Variants in KDR observed in about 807,000 individuals in gnomAD.
KDR encodes vascular endothelial growth factor receptor 2.
KDR carries 43 observed loss-of-function variants against 160.9 expected under a neutral mutation model. That is an observed-to-expected ratio of 0.27 (90% CI 0.21 to 0.34). The LOEUF is 0.34. Among genes scored for constraint, KDR ranks in the 10% least tolerant of loss-of-function variants. KDR has a pLI of 1.00. For missense variants in KDR, 1,469 were observed against 1,666.4 expected (o/e 0.88, Z 2.06); for synonymous variants, 617 against 600.1 (o/e 1.03, Z -0.41).
intron 3 of KDR, among the ~76,000 whole-genome samples, chr4:55,118,226 G>T (rs1160858868): frequency 6.6e-6 from 1 of 152,200 alleles, no homozygotes; most frequent in Non-Finnish European, 1.5e-5. Flanking sequence ...CTACTCTGCT[G>T]TAGATAACTT....
chr4:55,106,253 C>G (rs538578348), intron 11 of KDR, among the ~76,000 whole-genome samples: 61 of 152,070 alleles, frequency 4.0e-4, no homozygotes, highest in African/African-American at 1.4e-3. Flanking sequence ...AGCACCATGT[C>G]GGCACTCAAA....
intron 26 of KDR, among the ~76,000 whole-genome samples, chr4:55,088,297 G>A (rs915012363): frequency 3.3e-5 from 5 of 152,186 alleles, no homozygotes; most frequent in Admixed American, 2.0e-4. Context: ...ATGTTTGGAA[G>A]GTTTATTGAT....
intron 14 of KDR, 130 bp downstream of exon 14, chr4:55,102,232 G>T: frequency 7.7e-7 from 1 of 1,304,988 alleles, no homozygotes; most frequent in Non-Finnish European, 1.1e-6. Flanking sequence ...TTCTAAGTCT[G>T]TGAAATGAGC....
intron 22 of KDR, among the ~76,000 whole-genome samples, chr4:55,091,439 C>G (rs1183496308): frequency 6.6e-6 from 1 of 152,220 alleles, no homozygotes; most frequent in Non-Finnish European, 1.5e-5. Context: ...TTTCCATTCT[C>G]TTCCTAGTCC....
At chr4:55,112,225 CT>C (rs1168062075) in intron 7 of KDR, among the ~76,000 whole-genome samples, 1 of 152,130 alleles carries the variant, frequency 6.6e-6, no homozygotes, top group Non-Finnish European at 1.5e-5. Context: ...TCTGCCACCC[CT>C]GAGACAGCAA....
chr4:55,124,240 C>G (rs1012502238), intron 1 of KDR, among the ~76,000 whole-genome samples: 2 of 151,812 alleles, frequency 1.3e-5, no homozygotes, highest in African/African-American at 4.8e-5. Flanking sequence ...CTTTCTCTGA[C>G]CCTTTCCCCT....
intron 7 of KDR, among the ~76,000 whole-genome samples, chr4:55,112,733 T>C (rs1280974382): frequency 2.0e-5 from 3 of 152,112 alleles, no homozygotes; most frequent in African/African-American, 7.2e-5. Flanking sequence ...TTCCACCATG[T>C]TGACCAGGCT....
rs1354736431 is a variant in KDR at position 55,125,506 on chromosome 4, C to T, written c.-213G>A. 4 of 615,598 alleles carry T rather than the reference C, an allele frequency of 6.5e-6. No homozygotes were observed. The East Asian group carries it at 8.2e-5, about 13-fold the overall frequency. The allele number at this position is 615,598 out of a possible 1,614,324, so 38.1% of individuals were successfully genotyped here. A position where few individuals can be genotyped will look rare whatever the true frequency, so the allele number is the denominator to read the frequency against. On this transcript the variant is annotated 5_prime_UTR_variant, in exon 1 of 30. Transcript: ENST00000263923. ...GAGGATATCCAGGCTGCCAGACGGA[C>T]TTTCTGCGGCGCGCAAGTGATGCCC...
Position 55,098,288 on chromosome 4 carries a change from C to A in KDR, c.2374-16G>T, listed in dbSNP as rs777182648. The A allele has an allele frequency of 1.1e-5, 18 of 1,613,576 alleles. No homozygotes were observed. In the South Asian group the frequency reaches 1.5e-4, roughly 14 times the overall value. On this transcript the variant is annotated splice_polypyrimidine_tract_variant and intron_variant, in intron 16 of 29. Transcript: ENST00000263923. ...CTCCATTGGCCTGGAAAGCATCAAT[C>A]CTTCCAGTCATAAACACACTGTTGT...
chr4:55,080,097 G>A lies in KDR; in HGVS notation c.3915C>T (p.Tyr1305=), dbSNP rs776589210. ...ASEGSNQTSG[Y]QSGYHSDDTD... is the part of the protein sequence containing the mutation. ...TGTCATCGGAGTGATATCCGGACTGGTAGCCGCTTGTCTGGTTTGAGCCTT... is the reference window on the plus strand; with the variant it reads ...TGTCATCGGAGTGATATCCGGACTGATAGCCGCTTGTCTGGTTTGAGCCTT... The change falls in exon 30 of 30, where the codon TAC becomes TAT. Residue 1305 remains tyrosine, a synonymous_variant. Coordinates refer to ENST00000263923, the MANE Select transcript of KDR (RefSeq NM_002253.4). The A allele has an allele frequency of 1.2e-5, 19 of 1,613,980 alleles. No individual in the cohort carries two copies. Among genetic ancestry groups the A allele is most frequent in the Non-Finnish European group, 1.6e-5 (19 of 1,180,042 alleles).
chr4:55,100,902 T>TA (rs1044334830), intron 15 of KDR, among the ~76,000 whole-genome samples: 80 of 145,976 alleles, frequency 5.5e-4, no homozygotes, highest in African/African-American at 9.3e-4. Flanking sequence ...TGGTGGGCTA[T>TA]AAAAAAAAAA....
At position 55,104,937 on chromosome 4, in the gene KDR, C is replaced by T. The variant is rs781752678; in HGVS notation, c.1693G>A (p.Glu565Lys). The change falls in exon 13 of 30, where the codon GAG (glutamate) becomes AAG (lysine). Residue 565 changes from glutamate to lysine, a missense_variant. Coordinates refer to ENST00000263923, the MANE Select transcript of KDR (RefSeq NM_002253.4). The stretch of plus-strand genomic sequence containing the variant: ...GCAGTGCACCACAAAGACACGCTCT[C>T]CTGCTCAGTGGGCTGCATGTCAGGT... ...LQPDMQPTEQ[E>K]SVSLWCTADR... 3 of 1,613,824 alleles carry T rather than the reference C, an allele frequency of 1.9e-6. No individual in the cohort carries two copies. Among genetic ancestry groups the T allele is most frequent in the South Asian group, 1.1e-5 (1 of 91,072 alleles).
chr4:55,113,979 G>A lies in KDR; in HGVS notation c.798+147C>T, dbSNP rs997602005. On this transcript the variant is annotated intron_variant, in intron 6 of 29. Transcript: ENST00000263923. Reference sequence around the variant, plus strand: ...CAATTCCCTTAAATTGTGTGTGTGTGTATGTGTGTGTGAGTGGGTGTGTAT... The same window carrying A: ...CAATTCCCTTAAATTGTGTGTGTGTATATGTGTGTGTGAGTGGGTGTGTAT... 21 of 796,234 alleles carry A rather than the reference G, an allele frequency of 2.6e-5. No homozygotes were observed. The African/African-American group carries it at 3.4e-4, about 13-fold the overall frequency. 49.3% of individuals were successfully genotyped at this position (796,234 alleles called of 1,614,324 possible). A position where few individuals can be genotyped will look rare whatever the true frequency, so the allele number is the denominator to read the frequency against.
At chr4:55,103,277 TGTCC>T (rs1465800050) in intron 13 of KDR, among the ~76,000 whole-genome samples, 6 of 152,218 alleles carry the variant, frequency 3.9e-5, no homozygotes, top group African/African-American at 1.2e-4. Flanking sequence ...GGAAATATCT[TGTCC>T]CAACCAACTG....
intron 21 of KDR, among the ~76,000 whole-genome samples, chr4:55,094,482 A>C (rs1720099390): frequency 6.6e-6 from 1 of 152,136 alleles, no homozygotes; most frequent in African/African-American, 2.4e-5. Flanking sequence ...CTAGTCAACT[A>C]CCAGAAAACT....
chr4:55,123,076 A>G (rs1289991259), intron 1 of KDR, among the ~76,000 whole-genome samples: 1 of 152,184 alleles, frequency 6.6e-6, no homozygotes, highest in Non-Finnish European at 1.5e-5. Context: ...CAGCCTGCAC[A>G]GTACTTTTTA....
At chr4:55,105,374 T>G (rs1720423778) in intron 12 of KDR, among the ~76,000 whole-genome samples, 1 of 152,238 alleles carries the variant, frequency 6.6e-6, no homozygotes, top group Non-Finnish European at 1.5e-5. Context: ...TAATATTCCA[T>G]TCAGCACAAT....
rs1719897762 is a variant in KDR, at chr4:55,087,686, G to A, written c.3583C>T (p.Pro1195Ser). The change falls in exon 27 of 30, where the codon CCT becomes TCT. Residue 1195 changes from proline to serine, a missense_variant. This residue lies in a region of KDR where 229 missense variants were observed against 197.8 expected (regional missense o/e 1.16). Coordinates refer to ENST00000263923, the MANE Select transcript of KDR (RefSeq NM_002253.4). ...TCCATACAGGAAACAGGTGAGGTAG[G>A]CAGAGAGAGTCCAGAATCCTCTTCC... Reference protein sequence around the residue: ...SMEEDSGLSLPTSPVSCMEEE... With the variant: ...SMEEDSGLSLSTSPVSCMEEE... The A allele has an allele frequency of 6.2e-7, 1 of 1,613,882 alleles. No individual in the cohort carries two copies. The highest frequency in any genetic ancestry group is 1.7e-5 in the Admixed American group (1 of 60,032).
chr4:55,098,625 A>G, intron 16 of KDR, 72 bp downstream of exon 16: 2 of 1,167,376 alleles, frequency 1.7e-6, no homozygotes, highest in South Asian at 1.2e-5. Flanking sequence ...GAAACAACTC[A>G]AAGAACCCCA....
Sources: allele counts gnomAD v4.1 joint callset (sites outside exome capture counted in the v4.1 genomes callset), GRCh38; gene constraint gnomAD v4.1.1; regional missense constraint gnomAD v4.1.1; transcripts MANE v1.5; gene names NCBI Gene and HGNC (gene_info 2026-07-23, HGNC 2026-07-21).